The following FIG4 variants were observed in gnomAD, a reference collection of about 807,000 sequenced individuals.
FIG4 encodes the protein polyphosphoinositide phosphatase.
In FIG4, 112 loss-of-function variants were observed where a neutral mutation model predicts 118.6. That is an observed-to-expected ratio of 0.94 (90% CI 0.81 to 1.11). The LOEUF is 1.11. Ranked by LOEUF, FIG4 falls within the 50% of genes least tolerant of loss-of-function variation. The pLI, the probability that FIG4 is intolerant of heterozygous loss-of-function variation, is 0.00. For missense variants in FIG4, 969 were observed against 1,111.7 expected, an observed-to-expected ratio of 0.87 and a Z score of 1.83; for synonymous variants, 369 against 381.2, an observed-to-expected ratio of 0.97 and a Z score of 0.37.
intron 22 of FIG4, among the ~76,000 whole-genome samples, chr6:109,815,496 C>CG (rs58181285): frequency 9.4e-6 from 1 of 106,522 alleles, no homozygotes; most frequent in African/African-American, 5.6e-5. Flanking sequence ...CTCCAGGCTG[C>CG]CCCCCCCACC....
intron 15 of FIG4, among the ~76,000 whole-genome samples, chr6:109,774,178 A>G (rs1305980233): frequency 3.3e-5 from 5 of 152,172 alleles, no homozygotes; most frequent in Admixed American, 6.5e-5. Context: ...CAAATAAATC[A>G]TATGATCCCC....
chr6:109,743,183 G>C lies in FIG4; in HGVS notation c.950G>C (p.Ser317Thr). The C allele has an allele frequency of 1.9e-6, 3 of 1,613,014 alleles. No individual in the cohort carries two copies. Among genetic ancestry groups the C allele is most frequent in the Non-Finnish European group, 2.5e-6 (3 of 1,179,244 alleles). The change falls in exon 9 of 23, where the codon AGT becomes ACT. Residue 317 changes from serine (S) to threonine (T), a missense_variant. Coordinates refer to ENST00000230124, the MANE Select transcript of FIG4 (RefSeq NM_014845.6). ...DASVMSFTAGSYSSYVQVRGS... is the reference protein window; with the variant it reads ...DASVMSFTAGTYSSYVQVRGS... The stretch of plus-strand genomic sequence containing the variant: ...TCTGTGATGTCTTTCACTGCAGGAA[G>C]TTATTCTTCATATGTACAAGTTAGA...
intron 1 of FIG4, among the ~76,000 whole-genome samples, chr6:109,693,261 A>G (rs1188341445): frequency 6.6e-6 from 1 of 152,196 alleles, no homozygotes; most frequent in Non-Finnish European, 1.5e-5. Flanking sequence ...CATATGCCTT[A>G]TTCTGCAGTA....
intron 3 of FIG4, among the ~76,000 whole-genome samples, chr6:109,719,580 G>T (rs1344848961): frequency 6.6e-6 from 1 of 151,656 alleles, no homozygotes; most frequent in Non-Finnish European, 1.5e-5. Context: ...TTTTTTAGAG[G>T]TGATGGTCTC....
At chr6:109,795,294 T>G (rs1278419082) in intron 21 of FIG4, among the ~76,000 whole-genome samples, 1 of 151,886 alleles carries the variant, frequency 6.6e-6, no homozygotes, top group Non-Finnish European at 1.5e-5. Flanking sequence ...ATTGTACACC[T>G]GATTTAAGAA....
At chr6:109,720,479 C>A (rs1459740099) in intron 3 of FIG4, among the ~76,000 whole-genome samples, 1 of 152,182 alleles carries the variant, frequency 6.6e-6, no homozygotes, top group African/African-American at 2.4e-5. Flanking sequence ...GTACACATGT[C>A]ATGAGAATCT....
At chr6:109,743,436 A>G (rs1458438072) in intron 9 of FIG4, 164 bp downstream of exon 9, 3 of 704,634 alleles carry the variant, frequency 4.3e-6, no homozygotes, top group African/African-American at 3.6e-5. Context: ...TAATAAATTT[A>G]TGTTTAATTT....
intron 1 of FIG4, among the ~76,000 whole-genome samples, chr6:109,696,979 G>A (rs905379299): frequency 6.6e-6 from 1 of 152,144 alleles, no homozygotes; most frequent in Non-Finnish European, 1.5e-5. Context: ...GTGTACGCAT[G>A]TATTAAAATA....
intron 10 of FIG4, among the ~76,000 whole-genome samples, chr6:109,759,847 T>C (rs912423869): frequency 6.6e-6 from 1 of 152,236 alleles, no homozygotes; most frequent in Non-Finnish European, 1.5e-5. Flanking sequence ...GTTTGGGAAT[T>C]GTTCATCCAG....
In FIG4 at chr6:109,695,519, C is replaced by T. The variant is rs1774683826; in HGVS notation, c.66+4018C>T. On this transcript the variant is annotated intron_variant, in intron 1 of 22. Transcript: ENST00000230124. Reference sequence around the variant, plus strand: ...TTGGCTGACTCTCTCAAAACACTCTCATAATAAGCAGATACTGTTCTTTAG... The same window carrying T: ...TTGGCTGACTCTCTCAAAACACTCTTATAATAAGCAGATACTGTTCTTTAG... 2.0e-5 allele frequency among the ~76,000 whole-genome samples: 3 copies of T among 152,044 alleles called. No homozygotes were observed. The South Asian group carries it at 6.2e-4, about 32-fold the overall frequency.
chr6:109,815,504 A>AC (rs35026684), intron 22 of FIG4, among the ~76,000 whole-genome samples: 39 of 48,240 alleles, frequency 8.1e-4, no homozygotes, highest in Admixed American at 1.3e-3. Flanking sequence ...TGCCCCCCCC[A>AC]CCCCCCCGTT....
At position 109,714,039 on chromosome 6, in the gene FIG4, C is replaced by G. The variant is rs553566208; in HGVS notation, c.67-1039C>G. On this transcript the variant is annotated intron_variant, in intron 1 of 22. Coordinates refer to ENST00000230124, the MANE Select transcript of FIG4 (RefSeq NM_014845.6). Reference sequence around the variant, plus strand: ...GGGGATGAGTGTCCCTGGCTGTGCTCCACTACAAACGCTCCCATACCAAAC... The same window carrying G: ...GGGGATGAGTGTCCCTGGCTGTGCTGCACTACAAACGCTCCCATACCAAAC... Among the ~76,000 whole-genome samples, 4 of 152,280 alleles carry G rather than the reference C, an allele frequency of 2.6e-5. No homozygotes were observed. The South Asian group carries it at 8.3e-4, about 32-fold the overall frequency.
At position 109,801,496 on chromosome 6, in the gene FIG4, C is replaced by G. The variant is rs1016837392; in HGVS notation, c.2546+4645C>G. 2.0e-5 allele frequency among the ~76,000 whole-genome samples: 3 copies of G among 152,126 alleles called. No individual in the cohort carries two copies. In the East Asian group the frequency reaches 5.8e-4, roughly 29 times the overall value. ...CCAGGAGGTGGAGGTTCCAGTGAGC[C>G]GAGATTGTGACACTGCACTCCAGCC... On this transcript the variant is annotated intron_variant, in intron 22 of 22. Coordinates refer to ENST00000230124, the MANE Select transcript of FIG4 (RefSeq NM_014845.6).
chr6:109,817,017 T>C (rs1006441363), intron 22 of FIG4, among the ~76,000 whole-genome samples: 9 of 152,114 alleles, frequency 5.9e-5, no homozygotes, highest in African/African-American at 2.2e-4. Flanking sequence ...CTCCAAAAGG[T>C]CGCCGTATAA....
rs938429677 is a variant in FIG4 at position 109,706,800 on chromosome 6, G to T, written c.67-8278G>T. Among the ~76,000 whole-genome samples, 42 of 152,046 alleles carry T rather than the reference G, an allele frequency of 2.8e-4. 1 individual carries two copies. The highest frequency in any genetic ancestry group is 9.7e-4 in the African/African-American group (40 of 41,388). On this transcript the variant is annotated intron_variant, in intron 1 of 22. Transcript: ENST00000230124. ...CTTCCCTTTTCAGTTCTTTGCAATT[G>T]CTATTTCCTCTCCTAGAAGCCATTT...
At chr6:109,704,344 G>T (rs1040691204) in intron 1 of FIG4, among the ~76,000 whole-genome samples, 2 of 152,088 alleles carry the variant, frequency 1.3e-5, no homozygotes, top group Non-Finnish European at 2.9e-5. Context: ...GAAACACCAA[G>T]AAAATGTATG....
In FIG4 at chr6:109,759,966, A is replaced by G. The variant is rs111341099; in HGVS notation, c.1138-284A>G. Among the ~76,000 whole-genome samples the G allele has an allele frequency of 8.2e-3, 1,252 of 152,282 alleles. 26 individuals are homozygous for G. Among genetic ancestry groups the G allele is most frequent in the African/African-American group, 0.027 (1,112 of 41,560 alleles). On this transcript the variant is annotated intron_variant, in intron 10 of 22. Coordinates refer to ENST00000230124, the MANE Select transcript of FIG4 (RefSeq NM_014845.6). ...GAGTCAGGTGTGGAGTGTGTGGGCCATGGCCCACGTTGGGTAAGCTGGGTT... is the reference window on the plus strand; with the variant it reads ...GAGTCAGGTGTGGAGTGTGTGGGCCGTGGCCCACGTTGGGTAAGCTGGGTT...
chr6:109,763,687 G>C (rs1777181136), intron 12 of FIG4, among the ~76,000 whole-genome samples: 2 of 152,178 alleles, frequency 1.3e-5, no homozygotes, highest in South Asian at 4.1e-4. Context: ...CAAAATGCCA[G>C]AGTGGACACT....
In FIG4 at chr6:109,741,442, A is replaced by C; in HGVS notation, c.776-2A>C. 2 of 1,598,020 alleles carry C rather than the reference A, an allele frequency of 1.3e-6. No individual in the cohort carries two copies. Among genetic ancestry groups the C allele is most frequent in the Non-Finnish European group, 1.7e-6 (2 of 1,165,470 alleles). ...CTAAACAACCTTAACTTGATTTCCA[A>C]GAGCTGTTGATCTATGGACGACCAG... On this transcript the variant is annotated splice_acceptor_variant, in intron 7 of 22. Coordinates refer to ENST00000230124, the MANE Select transcript of FIG4 (RefSeq NM_014845.6). LOFTEE classifies it high-confidence loss of function.
Sources: gnomAD v4.1 joint callset for allele counts (sites outside exome capture counted in the v4.1 genomes callset) on GRCh38, gnomAD v4.1.1 for gene constraint, MANE v1.5 for transcripts, NCBI Gene and HGNC (gene_info 2026-07-23, HGNC 2026-07-21) for gene names.